Variants in C13orf42 observed in about 807,000 individuals in gnomAD.
C13orf42 encodes uncharacterized protein C13orf42.
At chr13:51,151,148 T>C (rs915033253) in intron 1 of C13orf42, among the ~76,000 whole-genome samples, 10 of 152,232 alleles carry the variant, frequency 6.6e-5, no homozygotes, top group East Asian at 3.8e-4. Flanking sequence ...CACATGGTAA[T>C]GTTACATATG....
intron 1 of C13orf42, among the ~76,000 whole-genome samples, chr13:51,105,304 G>T (rs561602842): frequency 1.3e-5 from 2 of 152,298 alleles, no homozygotes; most frequent in South Asian, 4.1e-4. Context: ...AGGAATTCTG[G>T]TCTTGCTCTC....
intron 1 of C13orf42, among the ~76,000 whole-genome samples, chr13:51,120,216 T>C (rs1262300581): frequency 6.6e-6 from 1 of 152,228 alleles, no homozygotes; most frequent in Non-Finnish European, 1.5e-5. Flanking sequence ...ATGTGTCATC[T>C]CACTGAATCC....
intron 1 of C13orf42, among the ~76,000 whole-genome samples, chr13:51,137,527 C>A (rs1315398250): frequency 2.0e-5 from 3 of 152,130 alleles, no homozygotes; most frequent in Non-Finnish European, 4.4e-5. Flanking sequence ...GGCTCCAGAC[C>A]CAGCACCACT....
At chr13:51,104,989 T>G (rs1028161852) in intron 1 of C13orf42, among the ~76,000 whole-genome samples, 1 of 152,192 alleles carries the variant, frequency 6.6e-6, no homozygotes, top group African/African-American at 2.4e-5. Flanking sequence ...AGCAATCGGC[T>G]GTCTAACATG....
At chr13:51,145,196 T>C (rs977980666) in intron 1 of C13orf42, among the ~76,000 whole-genome samples, 2 of 152,232 alleles carry the variant, frequency 1.3e-5, no homozygotes, top group Admixed American at 6.5e-5. Flanking sequence ...TGTGCTTTTT[T>C]AAAACCCTGT....
At chr13:51,150,508 CAT>C (rs1301352994) in intron 1 of C13orf42, among the ~76,000 whole-genome samples, 4 of 152,318 alleles carry the variant, frequency 2.6e-5, no homozygotes, top group East Asian at 1.9e-4. Flanking sequence ...ACAACCAAAA[CAT>C]ATATATTCAG....
At chr13:51,124,207 TC>T (rs1238992887) in intron 1 of C13orf42, among the ~76,000 whole-genome samples, 2 of 152,036 alleles carry the variant, frequency 1.3e-5, no homozygotes, top group Non-Finnish European at 2.9e-5. Context: ...TACAATTTCA[TC>T]CCCGGGCCAA....
chr13:51,119,135 G>A (rs1049366121), intron 1 of C13orf42, among the ~76,000 whole-genome samples: 2 of 151,996 alleles, frequency 1.3e-5, no homozygotes, highest in African/African-American at 4.8e-5. Flanking sequence ...GCATGCCCAG[G>A]TGTACAGTAT....
intron 1 of C13orf42, among the ~76,000 whole-genome samples, chr13:51,145,018 C>T (rs1953724222): frequency 6.6e-6 from 1 of 152,136 alleles, no homozygotes; most frequent in Non-Finnish European, 1.5e-5. Context: ...GATTGTACAC[C>T]TGTTGCTAGA....
chr13:51,120,464 A>G (rs1273811436), intron 1 of C13orf42, among the ~76,000 whole-genome samples: 1 of 152,176 alleles, frequency 6.6e-6, no homozygotes, highest in Non-Finnish European at 1.5e-5. Flanking sequence ...GCCCTTCTAG[A>G]TATGTAGTGG....
chr13:51,106,187 C>A (rs992420197), intron 1 of C13orf42, among the ~76,000 whole-genome samples: 1 of 152,154 alleles, frequency 6.6e-6, no homozygotes, highest in Non-Finnish European at 1.5e-5. Flanking sequence ...ATTCCATCCA[C>A]GGATTGTGGA....
intron 1 of C13orf42, among the ~76,000 whole-genome samples, chr13:51,128,201 G>C (rs1055934866): frequency 8.5e-5 from 13 of 152,144 alleles, no homozygotes; most frequent in African/African-American, 3.1e-4. Flanking sequence ...GCAGCCCTTG[G>C]GGCTGCTCTG....
At chr13:51,142,807 A>C (rs904449388) in intron 1 of C13orf42, among the ~76,000 whole-genome samples, 2 of 152,086 alleles carry the variant, frequency 1.3e-5, no homozygotes, top group African/African-American at 2.4e-5. Context: ...GTTATATAAG[A>C]AAGAATCTTC....
At chr13:51,157,117 G>C (rs1953830056) in intron 1 of C13orf42, among the ~76,000 whole-genome samples, 1 of 152,160 alleles carries the variant, frequency 6.6e-6, no homozygotes, top group African/African-American at 2.4e-5. Context: ...CACCCCAGAG[G>C]CTCCCTCTGC....
chr13:51,124,859 C>A (rs1171173782), intron 1 of C13orf42, among the ~76,000 whole-genome samples: 2 of 152,168 alleles, frequency 1.3e-5, no homozygotes, highest in Non-Finnish European at 2.9e-5. Flanking sequence ...TCATACAAAC[C>A]CTAATTCTTA....
intron 1 of C13orf42, among the ~76,000 whole-genome samples, chr13:51,170,130 G>A (rs183241009): frequency 2.7e-4 from 41 of 152,058 alleles, no homozygotes; most frequent in Admixed American, 2.6e-3. Flanking sequence ...ACTCCTACCC[G>A]CCAGAGAACA....
chr13:51,153,458 G>C (rs962576539), intron 1 of C13orf42, among the ~76,000 whole-genome samples: 3 of 150,626 alleles, frequency 2.0e-5, no homozygotes, highest in Non-Finnish European at 2.9e-5. Flanking sequence ...GAGAGAGAGA[G>C]AGACAGAGAT....
chr13:51,093,299 C>T (rs992039342), intron 1 of C13orf42, among the ~76,000 whole-genome samples: 3 of 152,188 alleles, frequency 2.0e-5, no homozygotes, highest in Admixed American at 1.3e-4. Flanking sequence ...TCACATTTCT[C>T]TCTTCCTCAA....
chr13:51,132,334 G>A (rs1168872844), intron 1 of C13orf42, among the ~76,000 whole-genome samples: 1 of 152,042 alleles, frequency 6.6e-6, no homozygotes, highest in Non-Finnish European at 1.5e-5. Context: ...TCAGGAGGCT[G>A]AGGCAGGAGA....
Sources: gnomAD v4.1 joint callset for allele counts (sites outside exome capture counted in the v4.1 genomes callset) on GRCh38, gnomAD v4.1.1 for gene constraint, MANE v1.5 for transcripts, NCBI Gene and HGNC (gene_info 2026-07-23, HGNC 2026-07-21) for gene names.